NCAM1: variants seen among roughly 807,000 people sequenced by gnomAD.
NCAM1 encodes neural cell adhesion molecule 1, also known as antigen recognized by monoclonal antibody 5.1H11.
Under a neutral mutation model 109.8 loss-of-function variants are expected in NCAM1, and 14 were observed. That is an observed-to-expected ratio of 0.13 (90% confidence interval 0.08 to 0.20). The LOEUF (loss-of-function observed/expected upper bound fraction) is 0.20, where lower values mean the gene tolerates loss of function less well. Ranked by LOEUF, NCAM1 falls within the 10% of genes least tolerant of loss-of-function variation. The probability of loss-of-function intolerance (pLI) is 1.00; values close to 1 mark genes in which losing one functional copy is unlikely to be tolerated. For synonymous variants in NCAM1, 418 were observed against 442.9 expected, an observed-to-expected ratio of 0.94 and a Z score of 0.70; for missense variants, 774 against 1,109.9, an observed-to-expected ratio of 0.70 and a Z score of 4.30.
intron 1 of NCAM1, among the ~76,000 whole-genome samples, chr11:113,176,935 G>A (rs1259548002): frequency 6.6e-6 from 1 of 152,162 alleles, no homozygotes; most frequent in East Asian, 1.9e-4. Flanking sequence ...AAATTAACAT[G>A]CAGAAGGGCA....
At chr11:113,271,918 C>T in intron 19 of NCAM1, 42 bp downstream of exon 19, 1 of 1,458,964 alleles carries the variant, frequency 6.9e-7, no homozygotes, top group African/African-American at 1.4e-5. Context: ...CCGTAGAGAC[C>T]CCCACACCCA....
chr11:113,047,905 G>T (rs1555081119), intron 1 of NCAM1, among the ~76,000 whole-genome samples: 1 of 152,106 alleles, frequency 6.6e-6, no homozygotes, highest in Non-Finnish European at 1.5e-5. Flanking sequence ...CACAACACTT[G>T]GGGAATTATG....
intron 1 of NCAM1, among the ~76,000 whole-genome samples, chr11:113,123,881 G>T (rs966071875): frequency 1.3e-5 from 2 of 152,084 alleles, no homozygotes; most frequent in African/African-American, 2.4e-5. Context: ...TGGGAAGCTC[G>T]CTCATCCTAG....
intron 1 of NCAM1, among the ~76,000 whole-genome samples, chr11:113,096,074 G>A (rs140463233): frequency 1.3e-5 from 2 of 152,262 alleles, no homozygotes; most frequent in Non-Finnish European, 1.5e-5. Context: ...AGGTCTGTAA[G>A]CAAGACTTGG....
At chr11:113,006,491 G>A (rs1951895745) in intron 1 of NCAM1, among the ~76,000 whole-genome samples, 1 of 152,090 alleles carries the variant, frequency 6.6e-6, no homozygotes, top group Non-Finnish European at 1.5e-5. Flanking sequence ...ATTCACAGTT[G>A]TAAATATAAT....
chr11:113,060,468 A>G (rs1316968566), intron 1 of NCAM1, among the ~76,000 whole-genome samples: 6 of 152,114 alleles, frequency 3.9e-5, no homozygotes. Flanking sequence ...CATTTCTTTT[A>G]AATATTTTAT....
At chr11:113,173,579 A>G (rs1943053281) in intron 1 of NCAM1, among the ~76,000 whole-genome samples, 1 of 99,206 alleles carries the variant, frequency 1.0e-5, no homozygotes, top group African/African-American at 3.8e-5. Context: ...GACTAATATT[A>G]GCATGTTACC....
At chr11:112,971,279 A>G (rs1384190399) in intron 1 of NCAM1, among the ~76,000 whole-genome samples, 1 of 151,906 alleles carries the variant, frequency 6.6e-6, no homozygotes, top group African/African-American at 2.4e-5. Flanking sequence ...TCTGTGTAAT[A>G]TGTAACTTGG....
intron 1 of NCAM1, among the ~76,000 whole-genome samples, chr11:113,115,331 T>C (rs1173883372): frequency 2.0e-5 from 3 of 152,190 alleles, no homozygotes; most frequent in Admixed American, 2.0e-4. Context: ...TGAACCAAGA[T>C]ATATTGCCTC....
chr11:113,187,087 C>T (rs1195457967), intron 1 of NCAM1, among the ~76,000 whole-genome samples: 4 of 152,310 alleles, frequency 2.6e-5, no homozygotes, highest in African/African-American at 7.2e-5. Context: ...TAAGGGAGTT[C>T]CCCAGGTAAG....
At chr11:113,025,501 GTGAATGAA>G (rs556680483) in intron 1 of NCAM1, among the ~76,000 whole-genome samples, 2 of 152,026 alleles carry the variant, frequency 1.3e-5, no homozygotes, top group Admixed American at 6.6e-5. Context: ...ACGTAAAAGA[GTGAATGAA>G]TGAATGAATG....
At chr11:113,053,782 C>T (rs1411801482) in intron 1 of NCAM1, among the ~76,000 whole-genome samples, 3 of 152,162 alleles carry the variant, frequency 2.0e-5, no homozygotes, top group Non-Finnish European at 4.4e-5. Context: ...CTTGCCCATC[C>T]GCATACCACG....
chr11:113,024,228 G>A (rs1952475465), intron 1 of NCAM1, among the ~76,000 whole-genome samples: 1 of 152,204 alleles, frequency 6.6e-6, no homozygotes, highest in Non-Finnish European at 1.5e-5. Context: ...TCTCAGGAAG[G>A]TCTGCGGTGA....
intron 1 of NCAM1, among the ~76,000 whole-genome samples, chr11:113,018,706 C>T (rs991450987): frequency 1.3e-5 from 2 of 151,990 alleles, no homozygotes; most frequent in African/African-American, 2.4e-5. Flanking sequence ...ATCAGCCATC[C>T]GAAATACTGC....
chr11:113,076,679 G>T (rs1430695613), intron 1 of NCAM1, among the ~76,000 whole-genome samples: 1 of 152,086 alleles, frequency 6.6e-6, no homozygotes, highest in Non-Finnish European at 1.5e-5. Context: ...GCAAAATAAA[G>T]TAAGATATTT....
At chr11:113,172,488 A>G (rs1943026629) in intron 1 of NCAM1, among the ~76,000 whole-genome samples, 2 of 152,166 alleles carry the variant, frequency 1.3e-5, no homozygotes, top group African/African-American at 4.8e-5. Context: ...ATGTCAGGAT[A>G]TTATAGCTTG....
chr11:113,246,114 C>G, intron 14 of NCAM1: 1 of 530,718 alleles, frequency 1.9e-6, no homozygotes, highest in Non-Finnish European at 3.3e-6. Context: ...TCTTCTATTT[C>G]TGGGCAGTTT....
chr11:113,257,164 G>A (rs1555122490), intron 16 of NCAM1, among the ~76,000 whole-genome samples: 1 of 152,192 alleles, frequency 6.6e-6, no homozygotes, highest in Non-Finnish European at 1.5e-5. Context: ...GGTCCCCATG[G>A]CTTCCTCACT....
rs782751481 is a variant in NCAM1, at chr11:113,207,329, C to T, written c.697C>T (p.Leu233=). ...CGCCAACCTCGGCCAGTCCGTCACC[C>T]TGGTGTGCGATGCCGAAGGCTTCCC... ...ATANLGQSVT[L]VCDAEGFPEP... The change falls in exon 6 of 20, where the codon CTG becomes TTG. Residue 233 remains leucine (L), a synonymous_variant. Coordinates refer to ENST00000316851, the MANE Select transcript of NCAM1 (RefSeq NM_181351.5). 3.7e-6 allele frequency: 6 copies of T among 1,614,068 alleles called. No individual in the cohort carries two copies. The Admixed American group carries it at 8.3e-5, about 22-fold the overall frequency.
Sources: allele counts gnomAD v4.1 joint callset (sites outside exome capture counted in the v4.1 genomes callset), GRCh38; gene constraint gnomAD v4.1.1; transcripts MANE v1.5; gene names NCBI Gene and HGNC (gene_info 2026-07-23, HGNC 2026-07-21).